Variants in CAPN14 observed in about 807,000 individuals in gnomAD.
CAPN14 encodes calpain 14, also known as calpain-14.
CAPN14 carries 94 observed loss-of-function variants against 101.3 expected under a neutral mutation model. That is an observed-to-expected ratio of 0.93 (90% CI 0.79 to 1.10). The LOEUF (loss-of-function observed/expected upper bound fraction) is 1.10. Ranked by LOEUF, CAPN14 falls within the 50% of genes least tolerant of loss-of-function variation. CAPN14 has a pLI of 0.00. For synonymous variants in CAPN14, 338 were observed against 317.9 expected (o/e 1.06, Z -0.67); for missense variants, 837 against 828.4 (o/e 1.01, Z -0.13).
chr2:31,209,066 C>T (rs1196614601), intron 1 of CAPN14, among the ~76,000 whole-genome samples: 1 of 151,778 alleles, frequency 6.6e-6, no homozygotes, highest in African/African-American at 2.4e-5. Flanking sequence ...AACTCCTGGG[C>T]TTAAGGGATC....
intron 1 of CAPN14, among the ~76,000 whole-genome samples, chr2:31,205,843 C>T (rs1682045776): frequency 1.3e-5 from 2 of 151,974 alleles, no homozygotes; most frequent in African/African-American, 4.8e-5. Flanking sequence ...GAAGCTGGAG[C>T]TCAGTCCCCT....
chr2:31,181,605 C>T (rs1289622116), intron 16 of CAPN14, among the ~76,000 whole-genome samples: 2 of 148,858 alleles, frequency 1.3e-5, no homozygotes, highest in African/African-American at 5.0e-5. Context: ...ATGTGCCATG[C>T]TGGTGTGCTG....
rs1392392740 is a variant in CAPN14, at chr2:31,202,000, T to C, written c.415-2A>G. On this transcript the variant is annotated splice_acceptor_variant, in intron 4 of 21. Transcript: ENST00000403897. LOFTEE classifies it high-confidence loss of function. ...AACCCAGTTCCCATAGTGCCAGAAC[T>C]GGAGGGAGAGAGTGGCCCCGGGTGA... 6.4e-7 allele frequency: 1 copy of C among 1,551,458 alleles called. No homozygotes were observed. The highest frequency in any genetic ancestry group is 8.7e-7 in the Non-Finnish European group (1 of 1,146,892).
At chr2:31,228,770 A>T (rs1390345706) in intron 1 of CAPN14, among the ~76,000 whole-genome samples, 1 of 152,196 alleles carries the variant, frequency 6.6e-6, no homozygotes, top group African/African-American at 2.4e-5. Context: ...TCCTGAAAAA[A>T]TGCTATTGCC....
chr2:31,188,402 T>A (rs1433067464), intron 13 of CAPN14, 48 bp from the exon 14 acceptor site: 1 of 1,542,816 alleles, frequency 6.5e-7, no homozygotes, highest in South Asian at 1.2e-5. Flanking sequence ...TCTTGGGAAT[T>A]TTTTGGCCAA....
intron 8 of CAPN14, among the ~76,000 whole-genome samples, chr2:31,195,237 T>A (rs1260096081): frequency 6.6e-6 from 1 of 152,200 alleles, no homozygotes; most frequent in Non-Finnish European, 1.5e-5. Context: ...CTTTAATCTG[T>A]GCTTTCTGAA....
chr2:31,229,214 G>A (rs1439513171), intron 1 of CAPN14, among the ~76,000 whole-genome samples: 1 of 152,176 alleles, frequency 6.6e-6, no homozygotes, highest in Non-Finnish European at 1.5e-5. Context: ...GAGACAGGAT[G>A]GGGAGGAGCA....
At position 31,193,191 on chromosome 2, in the gene CAPN14, T is replaced by G. The variant is rs1294132542; in HGVS notation, c.1054A>C (p.Met352Leu). 17 of 1,551,524 alleles carry G rather than the reference T, an allele frequency of 1.1e-5. No individual in the cohort carries two copies. The highest frequency in any genetic ancestry group is 1.2e-5 in the Non-Finnish European group (14 of 1,146,986). Residue 352 changes from methionine (M) to leucine (L), a missense_variant, in exon 10 of 22, where the codon ATG (methionine) becomes CTG (leucine). Transcript: ENST00000403897. Reference protein sequence around the residue: ...QEAAQKWTYTMREGRWEKRST... With the variant: ...QEAAQKWTYTLREGRWEKRST... The stretch of plus-strand genomic sequence containing the variant: ...CGCTTCTCCCATCTCCCCTCCCGCA[T>G]GGTGTACGTCCACTTCTGGGCCGCC...
At chr2:31,178,812 G>C (rs1469982199) in intron 17 of CAPN14, among the ~76,000 whole-genome samples, 1 of 152,070 alleles carries the variant, frequency 6.6e-6, no homozygotes, top group African/African-American at 2.4e-5. Flanking sequence ...TGGGAGAAGC[G>C]ATGATGATGG....
intron 2 of CAPN14, among the ~76,000 whole-genome samples, chr2:31,223,901 G>T (rs901328183): frequency 2.0e-5 from 3 of 152,144 alleles, no homozygotes; most frequent in Admixed American, 6.5e-5. Context: ...AGTCATCTAT[G>T]TAAGAATACT....
chr2:31,222,136 A>G (rs1055491798), upstream of CAPN14, among the ~76,000 whole-genome samples: 6 of 152,228 alleles, frequency 3.9e-5, no homozygotes, highest in African/African-American at 1.4e-4. Flanking sequence ...AGAACATGGA[A>G]GAGACTTATG....
chr2:31,180,010 C>T (rs1223571692), intron 17 of CAPN14, among the ~76,000 whole-genome samples: 3 of 152,016 alleles, frequency 2.0e-5, no homozygotes, highest in Admixed American at 6.6e-5. Flanking sequence ...GCTAATGATG[C>T]CTTTTACATT....
intron 9 of CAPN14, 97 bp from the exon 10 acceptor site, chr2:31,193,391 A>G: frequency 1.6e-6 from 2 of 1,226,662 alleles, no homozygotes; most frequent in Non-Finnish European, 2.3e-6. Context: ...TGGGCATCCC[A>G]GCCCTCTCAT....
rs1681881478 is a variant in CAPN14, at chr2:31,203,082, GGCA to G, written c.280_282del (p.Cys94del). On this transcript the variant is annotated inframe_deletion, in exon 3 of 22. Coordinates refer to ENST00000403897, the MANE Select transcript of CAPN14 (RefSeq NM_001145122.2). ...TGTGCAAACTTACCTACTATCCCCT[GGCA>G]CAGATCCAGCCTTTTGGCCTTGGCA... is the stretch of plus-strand genomic sequence containing the variant. 2.6e-6 allele frequency: 4 copies of G among 1,551,406 alleles called. No homozygotes were observed. Among genetic ancestry groups the G allele is most frequent in the Middle Eastern group, 3.3e-4 (2 of 6,002 alleles).
At chr2:31,207,272 G>C (rs982874359) in intron 1 of CAPN14, among the ~76,000 whole-genome samples, 3 of 152,094 alleles carry the variant, frequency 2.0e-5, no homozygotes, top group Non-Finnish European at 4.4e-5. Context: ...CTCCTTGAGT[G>C]CCTGGCATTC....
intron 16 of CAPN14, among the ~76,000 whole-genome samples, chr2:31,182,206 T>C (rs1002883870): frequency 3.3e-5 from 5 of 151,602 alleles, no homozygotes; most frequent in African/African-American, 1.2e-4. Context: ...GAGCTATCTA[T>C]GACAAACCCA....
chr2:31,177,698 T>G lies in CAPN14; in HGVS notation c.1855+48A>C, dbSNP rs112854341. On this transcript the variant is annotated intron_variant, in intron 19 of 21. Transcript: ENST00000403897. ...TCCCCTCTCCTCTGCCTGATGAGTG[T>G]GCACCCTGCCCGTGTGTGCCCACAG... The G allele has an allele frequency of 1.1e-3, 1,458 of 1,349,430 alleles. 18 individuals are homozygous for G. The African/African-American group carries it at 0.018, about 17-fold the overall frequency. The allele number at this position is 1,349,430 out of a possible 1,614,324, so 83.6% of individuals were successfully genotyped here.
intron 16 of CAPN14, among the ~76,000 whole-genome samples, chr2:31,182,722 G>A (rs975834691): frequency 3.4e-5 from 5 of 147,042 alleles, no homozygotes; most frequent in Non-Finnish European, 7.4e-5. Flanking sequence ...CATGCTCATG[G>A]GTTGGAAGAA....
chr2:31,193,438 A>C, intron 9 of CAPN14, 144 bp from the exon 10 acceptor site: 2 of 791,176 alleles, frequency 2.5e-6, no homozygotes, highest in Admixed American at 2.6e-5. Context: ...AGCTGAGCTG[A>C]CGATAGGCAC....
Sources: gnomAD v4.1 joint callset for allele counts (sites outside exome capture counted in the v4.1 genomes callset) on GRCh38, gnomAD v4.1.1 for gene constraint, MANE v1.5 for transcripts, NCBI Gene and HGNC (gene_info 2026-07-23, HGNC 2026-07-21) for gene names.